The following MMP2 variants were observed in gnomAD, a reference collection of about 807,000 sequenced individuals.
The protein encoded by MMP2 is matrix metallopeptidase 2.
In MMP2, 39 loss-of-function variants were observed where a neutral mutation model predicts 74.8. The observed-to-expected ratio is 0.52, with a 90% CI of 0.40 to 0.68. The LOEUF (loss-of-function observed/expected upper bound fraction) is 0.68. Among genes scored for constraint, MMP2 ranks in the 30% least tolerant of loss-of-function variants. MMP2 has a pLI of 0.00. For missense variants in MMP2, 803 were observed against 878.3 expected (o/e 0.91, Z 1.08); for synonymous variants, 367 against 339.8 (o/e 1.08, Z -0.88).
chr16:55,488,393 C>A, intron 5 of MMP2, 150 bp from the exon 6 acceptor site: 2 of 777,970 alleles, frequency 2.6e-6, no homozygotes, highest in Non-Finnish European at 2.1e-6. Flanking sequence ...CTCAGAGAAG[C>A]AGCTCCTTAC....
At position 55,501,496 on chromosome 16, in the gene MMP2, G is replaced by A. The variant is rs142375394; in HGVS notation, c.1770-1283G>A. 2.1e-3 allele frequency among the ~76,000 whole-genome samples: 325 copies of A among 152,340 alleles called. 1 individual carries two copies. Among genetic ancestry groups the A allele is most frequent in the African/African-American group, 7.6e-3 (317 of 41,586 alleles). ...CTAACGCTAGGGAATGTAGTTTGAG[G>A]GCTCAGTGGAGGTGCCTTGGATGGG... is the stretch of plus-strand genomic sequence containing the variant. On this transcript the variant is annotated intron_variant, in intron 11 of 12. Coordinates refer to ENST00000219070, the MANE Select transcript of MMP2 (RefSeq NM_004530.6).
At chr16:55,501,528 G>A (rs1489994788) in intron 11 of MMP2, among the ~76,000 whole-genome samples, 2 of 152,184 alleles carry the variant, frequency 1.3e-5, no homozygotes, top group African/African-American at 2.4e-5. Flanking sequence ...TGGGAGTGTT[G>A]GGATTTTGAG....
At position 55,484,196 on chromosome 16, in the gene MMP2, G is replaced by A. The variant is rs773478208; in HGVS notation, c.529+32G>A. ...AGAAGATGGGGCAGAAGAGGGGCCA[G>A]CAGGGATCAGTGTTGAGACGAGGGG... is the stretch of plus-strand genomic sequence containing the variant. On this transcript the variant is annotated intron_variant, in intron 3 of 12. Transcript: ENST00000219070. 7.5e-6 allele frequency: 12 copies of A among 1,610,012 alleles called. No homozygotes were observed. The East Asian group carries it at 2.5e-4, about 33-fold the overall frequency.
intron 9 of MMP2, among the ~76,000 whole-genome samples, chr16:55,496,110 T>A (rs1219070245): frequency 6.6e-6 from 1 of 152,246 alleles, no homozygotes; most frequent in Non-Finnish European, 1.5e-5. Context: ...TCTGGAAGGC[T>A]TGTTAAAACA....
Position 55,497,160 on chromosome 16 carries a change from TC to T in MMP2, c.1609+100del, listed in dbSNP as rs1474981734. Reference sequence around the variant, plus strand: ...CTCACTCCCCCTCTCAAACCACAGTTCCTATGCACCCGTGGGTGCTCCCTTT... The same window carrying T: ...CTCACTCCCCCTCTCAAACCACAGTTCTATGCACCCGTGGGTGCTCCCTTT... On this transcript the variant is annotated intron_variant, in intron 10 of 12. Coordinates refer to ENST00000219070, the MANE Select transcript of MMP2 (RefSeq NM_004530.6). 11 of 1,526,810 alleles carry T rather than the reference TC, an allele frequency of 7.2e-6. No homozygotes were observed. In the African/African-American group the frequency reaches 1.4e-4, roughly 19 times the overall value. The allele number at this position is 1,526,810 out of a possible 1,614,324, so 94.6% of individuals were successfully genotyped here. A position where few individuals can be genotyped will look rare whatever the true frequency, so the allele number is the denominator to read the frequency against.
intron 11 of MMP2, 120 bp downstream of exon 11, chr16:55,498,568 C>G (rs1962589906): frequency 1.5e-6 from 2 of 1,291,982 alleles, no homozygotes; most frequent in Non-Finnish European, 2.2e-6. Context: ...GATGCCCTCT[C>G]TCTGGTATCT....
intron 11 of MMP2, among the ~76,000 whole-genome samples, chr16:55,502,078 C>T (rs531799047): frequency 6.6e-6 from 1 of 152,290 alleles, no homozygotes; most frequent in South Asian, 2.1e-4. Context: ...ATTGCTGCCG[C>T]CGGAACTGAG....
chr16:55,490,356 A>G (rs543230659), intron 7 of MMP2, among the ~76,000 whole-genome samples: 3 of 152,182 alleles, frequency 2.0e-5, no homozygotes, highest in Non-Finnish European at 4.4e-5. Flanking sequence ...TCTCTCCCCC[A>G]TCAGTCAGCA....
chr16:55,485,811 C>T (rs199875631), intron 5 of MMP2, 34 bp downstream of exon 5: 33 of 1,607,096 alleles, frequency 2.1e-5, no homozygotes. Flanking sequence ...AGACTTTCCA[C>T]CCCAAGCCTC....
chr16:55,491,018 A>C (rs1446065924), intron 7 of MMP2, among the ~76,000 whole-genome samples: 1 of 151,186 alleles, frequency 6.6e-6, no homozygotes, highest in Non-Finnish European at 1.5e-5. Context: ...ACTCCAGTCT[A>C]TGCCTCTGTC....
At chr16:55,486,210 T>C (rs1170599492) in intron 5 of MMP2, among the ~76,000 whole-genome samples, 3 of 152,064 alleles carry the variant, frequency 2.0e-5, no homozygotes, top group Admixed American at 6.5e-5. Flanking sequence ...CCTAGCAGTG[T>C]GATAGGGAGG....
chr16:55,498,092 C>T (rs376508489), intron 10 of MMP2, among the ~76,000 whole-genome samples, 197 bp from the exon 11 acceptor site: 18 of 152,284 alleles, frequency 1.2e-4, no homozygotes, highest in African/African-American at 4.3e-4. Context: ...ATGTCCTTGA[C>T]CAGGCACCTT....
intron 7 of MMP2, among the ~76,000 whole-genome samples, chr16:55,490,411 G>T (rs1287859711): frequency 1.3e-5 from 2 of 152,170 alleles, no homozygotes; most frequent in Non-Finnish European, 2.9e-5. Context: ...GTCAGTCCTG[G>T]GTGCTGAGGA....
chr16:55,486,379 G>GTA (rs1244867969), intron 5 of MMP2, among the ~76,000 whole-genome samples: 2 of 126,370 alleles, frequency 1.6e-5, no homozygotes, highest in Admixed American at 1.7e-4. Flanking sequence ...GTGTGTGTGT[G>GTA]TGTGTGTGTG....
At chr16:55,479,943 T>G in intron 1 of MMP2, 2 of 198,294 alleles carry the variant, frequency 1.0e-5, no homozygotes, top group Non-Finnish European at 1.8e-5. Flanking sequence ...CTTATGTAAA[T>G]AGCGGGGACA....
In MMP2 at chr16:55,481,961, TC is replaced by T. The variant is rs1962116816; in HGVS notation, c.154-946del. 7.1e-5 allele frequency: 45 copies of T among 637,486 alleles called. 1 individual carries two copies. The South Asian group carries it at 8.4e-4, about 12-fold the overall frequency. The allele number at this position is 637,486 out of a possible 1,614,324, so 39.5% of individuals were successfully genotyped here. A position where few individuals can be genotyped will look rare whatever the true frequency, so the allele number is the denominator to read the frequency against. On this transcript the variant is annotated intron_variant, in intron 1 of 12. Coordinates refer to ENST00000219070, the MANE Select transcript of MMP2 (RefSeq NM_004530.6). ...CTCCATTTCCCCTTTCCTAACTACT[TC>T]CAACAAGGCTAGGACCGTTGTCAGA... is the stretch of plus-strand genomic sequence containing the variant.
chr16:55,479,981 G>GGA, intron 1 of MMP2: 1 of 92,954 alleles, frequency 1.1e-5, no homozygotes, highest in Non-Finnish European at 1.9e-5. Context: ...CATTTGGCGG[G>GGA]GGGGGGGGGC....
At position 55,484,159 on chromosome 16, in the gene MMP2, G is replaced by C. The variant is rs145337551; in HGVS notation, c.524G>C (p.Arg175Pro). ...GCAGACATCATGATCAACTTTGGCC[G>C]CTGGGGTAGGCAGAAGATGGGGCAG... ...GEADIMINFG[R>P]WEHGDGYPFD... Residue 175 changes from arginine (R) to proline (P), a missense_variant, in exon 3 of 13, where the codon CGC (arginine) becomes CCC (proline). Physicochemically the swap from Arg to Pro is moderately radical, Grantham distance 103 (BLOSUM62 -2). Around this residue, in one of 3 missense-constraint regions of MMP2, gnomAD observed 223 missense variants for 232.8 expected, o/e 0.96. Transcript: ENST00000219070. 6.2e-7 allele frequency: 1 copy of C among 1,613,974 alleles called. No homozygotes were observed. The highest frequency in any genetic ancestry group is 8.5e-7 in the Non-Finnish European group (1 of 1,179,976).
chr16:55,482,806 G>T, intron 1 of MMP2, 103 bp from the exon 2 acceptor site: 3 of 991,624 alleles, frequency 3.0e-6, no homozygotes, highest in Middle Eastern at 2.5e-4. Context: ...TTCCTGTCTG[G>T]ACTATGGCAC....
Sources: gnomAD v4.1 joint callset for allele counts (sites outside exome capture counted in the v4.1 genomes callset) on GRCh38, gnomAD v4.1.1 for gene constraint, gnomAD v4.1.1 regional missense constraint, MANE v1.5 for transcripts, NCBI Gene and HGNC (gene_info 2026-07-23, HGNC 2026-07-21) for gene names.